Variants in BEAN1 observed in about 807,000 individuals in gnomAD.
BEAN1 encodes brain expressed associated with NEDD4 1.
A neutral mutation model predicts 17.7 loss-of-function variants in BEAN1; 17 were observed. The observed-to-expected ratio is 0.96, with a 90% CI of 0.66 to 1.44. The LOEUF is 1.44. BEAN1 is among the 40% of genes most tolerant of loss of function. BEAN1 has a pLI of 0.00. For synonymous variants in BEAN1, 142 were observed against 151.8 expected (o/e 0.94, Z 0.47); for missense variants, 359 against 374.1 (o/e 0.96, Z 0.33).
chr16:66,493,525 C>G lies in BEAN1; in HGVS notation c.*84C>G, dbSNP rs887087836. 2.9e-5 allele frequency: 17 copies of G among 586,926 alleles called. No individual in the cohort carries two copies. In the African/African-American group the frequency reaches 3.0e-4, roughly 10 times the overall value. 36.4% of individuals were successfully genotyped at this position (586,926 alleles called of 1,614,324 possible). A position where few individuals can be genotyped will look rare whatever the true frequency, so the allele number is the denominator to read the frequency against. On this transcript the variant is annotated 3_prime_UTR_variant, in exon 5 of 5. Transcript: ENST00000561796. Reference sequence around the variant, plus strand: ...GTGACCCTGTCTTACACTGGATGCCCTGGTTTCCCAAGGACATTTTCCTGA... The same window carrying G: ...GTGACCCTGTCTTACACTGGATGCCGTGGTTTCCCAAGGACATTTTCCTGA...
chr16:66,486,385 C>T (rs1242502395), downstream of BEAN1, among the ~76,000 whole-genome samples: 1 of 152,168 alleles, frequency 6.6e-6, no homozygotes, highest in Non-Finnish European at 1.5e-5. Flanking sequence ...TTCTGAGTAG[C>T]TGGGATTACG....
intron 4 of BEAN1, among the ~76,000 whole-genome samples, chr16:66,491,204 C>A (rs569303997): frequency 6.6e-6 from 1 of 152,304 alleles, no homozygotes; most frequent in African/African-American, 2.4e-5. Context: ...GGCAGGAGGG[C>A]CCCTCCATGG....
intron 1 of BEAN1, among the ~76,000 whole-genome samples, chr16:66,429,886 C>CTT (rs1961731336): frequency 6.6e-6 from 1 of 152,178 alleles, no homozygotes; most frequent in Non-Finnish European, 1.5e-5. Flanking sequence ...TACTGTCAGG[C>CTT]TTTAGGAATA....
rs896627358 is a variant in BEAN1 at position 66,434,055 on chromosome 16, T to G, written c.-82-3540T>G. Among the ~76,000 whole-genome samples, 3 of 152,200 alleles carry G rather than the reference T, an allele frequency of 2.0e-5. No individual in the cohort carries two copies. Among genetic ancestry groups the G allele is most frequent in the African/African-American group, 7.2e-5 (3 of 41,464 alleles). ...CACACCATTCAGCCACTTCAAAGCC[T>G]GGAGTGCCACCAGCCCGCCCTCGAG... On this transcript the variant is annotated intron_variant, in intron 1 of 4. Transcript: ENST00000536005. This position sits in a 1 kb window ranked among gnomAD's most constrained non-coding sequence, Gnocchi z 4.3.
At position 66,481,204 on chromosome 16, in the gene BEAN1, C is replaced by T. The variant is rs778933083; in HGVS notation, c.*279C>T. ...GGAACGTGGAGCTCTCCTGGCCTCCCGTCCCTCCTCCCGGCCTGTTTGTTG... is the reference window on the plus strand; with the variant it reads ...GGAACGTGGAGCTCTCCTGGCCTCCTGTCCCTCCTCCCGGCCTGTTTGTTG... On this transcript the variant is annotated 3_prime_UTR_variant, in exon 5 of 5. Coordinates refer to ENST00000536005, the MANE Select transcript of BEAN1 (RefSeq NM_001178020.3). This position sits in a 1 kb window ranked among gnomAD's most constrained non-coding sequence, Gnocchi z 4.1. The T allele has an allele frequency of 1.2e-5, 5 of 408,872 alleles. No homozygotes were observed. The highest frequency in any genetic ancestry group is 2.1e-5 in the African/African-American group (1 of 48,780). 25.3% of individuals were successfully genotyped at this position (408,872 alleles called of 1,614,324 possible). A position where few individuals can be genotyped will look rare whatever the true frequency, so the allele number is the denominator to read the frequency against.
intron 3 of BEAN1, among the ~76,000 whole-genome samples, chr16:66,475,341 A>G (rs1420934832): frequency 6.6e-6 from 1 of 152,188 alleles, no homozygotes; most frequent in African/African-American, 2.4e-5. Flanking sequence ...AAGTCCAAGA[A>G]AAAGCAGCCC....
At chr16:66,448,787 C>T (rs1178212349) in intron 2 of BEAN1, among the ~76,000 whole-genome samples, 1 of 152,156 alleles carries the variant, frequency 6.6e-6, no homozygotes, top group Admixed American at 6.5e-5. Context: ...CGTGCCACTG[C>T]ACTCGGGCAA....
At chr16:66,477,740 C>A (rs1480954932) in intron 4 of BEAN1, 30 bp downstream of exon 4, 1 of 1,518,766 alleles carries the variant, frequency 6.6e-7, no homozygotes, top group South Asian at 1.3e-5. Flanking sequence ...AAGGGGGCAT[C>A]AGAGGATGGG....
chr16:66,490,829 G>A (rs1165955438), intron 4 of BEAN1, among the ~76,000 whole-genome samples: 1 of 152,202 alleles, frequency 6.6e-6, no homozygotes, highest in Admixed American at 6.5e-5. Context: ...GAGGGGCCCG[G>A]TCACCCTCCA....
chr16:66,448,197 T>C (rs1257812440), intron 2 of BEAN1, among the ~76,000 whole-genome samples: 2 of 147,898 alleles, frequency 1.4e-5, no homozygotes, highest in South Asian at 2.2e-4. Flanking sequence ...CCTAGAGAGA[T>C]GCTCTAGGGT....
intron 4 of BEAN1, among the ~76,000 whole-genome samples, chr16:66,489,340 C>T (rs1964133625): frequency 6.6e-6 from 1 of 152,178 alleles, no homozygotes; most frequent in Non-Finnish European, 1.5e-5. Flanking sequence ...GAGAGGAAGG[C>T]AGATTTGGAC....
At position 66,477,584 on chromosome 16, in the gene BEAN1, G is replaced by A. The variant is rs902947642; in HGVS notation, c.314G>A (p.Arg105His). 27 of 1,547,712 alleles carry A rather than the reference G, an allele frequency of 1.7e-5. No individual in the cohort carries two copies. The East Asian group carries it at 2.7e-4, about 15-fold the overall frequency. ...GTGTCGGACGAGCACACATACAGCC[G>A]CTCAAGCCGCAGGATGCGCTATGCC... ...GYVSDEHTYS[R>H]SSRRMRYACS... Residue 105 changes from arginine to histidine, a missense_variant, in exon 4 of 5, where the codon CGC becomes CAC. By Grantham distance (29) the Arg-to-His change is conservative (BLOSUM62 0). Transcript: ENST00000536005.
chr16:66,470,208 A>G (rs577835493), intron 3 of BEAN1: 2 of 406,282 alleles, frequency 4.9e-6, no homozygotes, highest in Non-Finnish European at 8.8e-6. Context: ...GGATGGATGG[A>G]TGGATGGATG....
chr16:66,446,437 C>T (rs187707749), intron 2 of BEAN1, among the ~76,000 whole-genome samples: 65 of 152,194 alleles, frequency 4.3e-4, no homozygotes, highest in African/African-American at 1.5e-3. Flanking sequence ...TGGTGGGGGG[C>T]TGTGAGTCAA....
downstream of BEAN1, chr16:66,484,614 C>T (rs1964059436): frequency 2.2e-6 from 1 of 453,994 alleles, no homozygotes; most frequent in African/African-American, 2.0e-5. The surrounding 1 kb of genome is among the most constrained non-coding windows in gnomAD (Gnocchi z 4.2). Flanking sequence ...CAGGGCCAGA[C>T]CCTGGGATGA....
At chr16:66,459,093 G>A (rs1962983343) in intron 2 of BEAN1, among the ~76,000 whole-genome samples, 1 of 152,206 alleles carries the variant, frequency 6.6e-6, no homozygotes, top group South Asian at 2.1e-4. Flanking sequence ...TCCAAGCCGT[G>A]CTCAGCTCTG....
intron 4 of BEAN1, among the ~76,000 whole-genome samples, chr16:66,491,340 C>A (rs1447136055): frequency 6.6e-6 from 1 of 152,212 alleles, no homozygotes; most frequent in Admixed American, 6.5e-5. Flanking sequence ...TCTCTGTCAA[C>A]CTGCTTCTGT....
chr16:66,469,219 T>C (rs760745130), intron 2 of BEAN1, among the ~76,000 whole-genome samples: 22 of 152,248 alleles, frequency 1.4e-4, no homozygotes, highest in Admixed American at 6.5e-5. Context: ...GGTAAAATCA[T>C]GTTGACCTTT....
rs539971290 is a variant in BEAN1, at chr16:66,436,368, C to T, written c.-82-1227C>T. 3.4e-5 allele frequency among the ~76,000 whole-genome samples: 5 copies of T among 146,310 alleles called. No homozygotes were observed. In the South Asian group the frequency reaches 6.7e-4, roughly 19 times the overall value. ...CTGCAAGCTCCGCCTCCCAGGTTGACGCCATTCTCCTGCCTCAGCCTCCTG... is the reference window on the plus strand; with the variant it reads ...CTGCAAGCTCCGCCTCCCAGGTTGATGCCATTCTCCTGCCTCAGCCTCCTG... On this transcript the variant is annotated intron_variant, in intron 1 of 4. Transcript: ENST00000536005.
Sources: gnomAD v4.1 joint callset for allele counts (sites outside exome capture counted in the v4.1 genomes callset) on GRCh38, gnomAD v4.1.1 for gene constraint, Gnocchi (gnomAD v3.1) non-coding constraint, MANE v1.5 for transcripts, NCBI Gene and HGNC (gene_info 2026-07-23, HGNC 2026-07-21) for gene names.